GPR137C: variants seen among roughly 807,000 people sequenced by gnomAD.
GPR137C encodes G protein-coupled receptor 137C.
Under a neutral mutation model 43.4 loss-of-function variants are expected in GPR137C, and 27 were observed. That is an observed-to-expected ratio of 0.62 (90% CI 0.46 to 0.86). The LOEUF (loss-of-function observed/expected upper bound fraction) is 0.86. GPR137C is among the 40% of genes least tolerant of loss of function. The pLI is 0.00. For synonymous variants in GPR137C, 285 were observed against 226.9 expected (o/e 1.26, Z -2.30); for missense variants, 522 against 534.6 (o/e 0.98, Z 0.23).
chr14:52,566,651 C>T (rs1020304226), intron 1 of GPR137C, among the ~76,000 whole-genome samples: 2 of 152,144 alleles, frequency 1.3e-5, no homozygotes, highest in African/African-American at 2.4e-5. Context: ...AATCCTTTTG[C>T]CCAAAGTAGA....
intron 1 of GPR137C, among the ~76,000 whole-genome samples, chr14:52,563,338 T>C (rs574340278): frequency 6.6e-6 from 1 of 151,354 alleles, no homozygotes; most frequent in East Asian, 2.0e-4. Flanking sequence ...AACAGATGAC[T>C]CACACTTATC....
chr14:52,576,820 A>G (rs1286598933), intron 1 of GPR137C, among the ~76,000 whole-genome samples: 1 of 152,208 alleles, frequency 6.6e-6, no homozygotes, highest in Non-Finnish European at 1.5e-5. Flanking sequence ...GTTTTTAAAA[A>G]TGGAAATCAT....
intron 4 of GPR137C, among the ~76,000 whole-genome samples, chr14:52,632,898 C>CA (rs1388082331): frequency 6.6e-6 from 1 of 152,114 alleles, no homozygotes; most frequent in Non-Finnish European, 1.5e-5. Context: ...TACATTTTGA[C>CA]ATAGCTATAT....
At chr14:52,569,018 G>A (rs1156920092) in intron 1 of GPR137C, among the ~76,000 whole-genome samples, 1 of 152,184 alleles carries the variant, frequency 6.6e-6, no homozygotes, top group Non-Finnish European at 1.5e-5. Flanking sequence ...TCCCAGCAAG[G>A]GGCGACAGAC....
At chr14:52,556,897 T>A (rs2038203624) in intron 1 of GPR137C, among the ~76,000 whole-genome samples, 1 of 152,136 alleles carries the variant, frequency 6.6e-6, no homozygotes, top group Admixed American at 6.5e-5. Context: ...CAGTTTGGTC[T>A]TAGGAGTGCC....
chr14:52,569,494 C>G (rs1594783114), intron 1 of GPR137C, among the ~76,000 whole-genome samples: 1 of 151,994 alleles, frequency 6.6e-6, no homozygotes, highest in Non-Finnish European at 1.5e-5. Context: ...ACGAACTCCT[C>G]CAAGCTAAAG....
At position 52,553,567 on chromosome 14, in the gene GPR137C, T is replaced by C. The variant is rs753358489; in HGVS notation, c.420T>C (p.Cys140=). ...CCTGTCTCCAGTTCTCCACGCTCTG[T>C]CTCCTCAACCTCTACCTGGCGGAGG... ...FPSCLQFSTL[C]LLNLYLAEVI... Residue 140 remains cysteine, a synonymous_variant, in exon 1 of 7, where the codon TGT becomes TGC. Transcript: ENST00000321662. 1.2e-5 allele frequency: 19 copies of C among 1,602,178 alleles called. No homozygotes were observed. Among genetic ancestry groups the C allele is most frequent in the Non-Finnish European group, 1.6e-5 (19 of 1,176,162 alleles).
In GPR137C at chr14:52,633,517, GCT is replaced by G. The variant is rs1413392277; in HGVS notation, c.868-10_868-9del. 6.2e-7 allele frequency: 1 copy of G among 1,608,856 alleles called. No homozygotes were observed. The highest frequency in any genetic ancestry group is 1.1e-5 in the South Asian group (1 of 90,350). The stretch of plus-strand genomic sequence containing the variant: ...AACAGATGTAAAAATTCTCTGCCAT[GCT>G]CTATTTACAGGCTCATGTAGAAGAC... On this transcript the variant is annotated splice_polypyrimidine_tract_variant and intron_variant, in intron 4 of 6. Transcript: ENST00000321662.
intron 1 of GPR137C, among the ~76,000 whole-genome samples, chr14:52,559,379 TCAAAAA>T (rs1197190300): frequency 1.3e-5 from 2 of 151,088 alleles, no homozygotes; most frequent in African/African-American, 2.5e-5. Flanking sequence ...AGACTCCATC[TCAAAAA>T]CAAAAACAAA....
intron 1 of GPR137C, among the ~76,000 whole-genome samples, chr14:52,593,202 G>A (rs2038806284): frequency 6.6e-6 from 1 of 152,178 alleles, no homozygotes; most frequent in Admixed American, 6.5e-5. Flanking sequence ...TGGTGGATAA[G>A]CTTTTTGATG....
At chr14:52,599,889 G>C (rs1291491984) in intron 2 of GPR137C, among the ~76,000 whole-genome samples, 1 of 152,126 alleles carries the variant, frequency 6.6e-6, no homozygotes, top group African/African-American at 2.4e-5. Flanking sequence ...TGAAAAATTT[G>C]GGATTACTTG....
chr14:52,592,708 T>C (rs1459418845), intron 1 of GPR137C, among the ~76,000 whole-genome samples: 1 of 152,244 alleles, frequency 6.6e-6, no homozygotes, highest in African/African-American at 2.4e-5. Context: ...CTGAAGTTGC[T>C]TGTCAGCTTA....
chr14:52,614,550 C>T (rs930088121), intron 3 of GPR137C, among the ~76,000 whole-genome samples: 1 of 151,778 alleles, frequency 6.6e-6, no homozygotes, highest in Non-Finnish European at 1.5e-5. Flanking sequence ...TGCAGTGGTG[C>T]AATCACAGCT....
At chr14:52,579,886 A>C (rs1276529286) in intron 1 of GPR137C, among the ~76,000 whole-genome samples, 1 of 152,224 alleles carries the variant, frequency 6.6e-6, no homozygotes, top group Non-Finnish European at 1.5e-5. Context: ...ACCAAATGTC[A>C]AGATTCCAAG....
intron 3 of GPR137C, among the ~76,000 whole-genome samples, chr14:52,620,468 C>T (rs2039147410): frequency 6.6e-6 from 1 of 151,960 alleles, no homozygotes; most frequent in African/African-American, 2.4e-5. Flanking sequence ...AAATCAACAT[C>T]TTTCAGAACA....
intron 1 of GPR137C, among the ~76,000 whole-genome samples, chr14:52,558,622 A>G (rs1051657728): frequency 2.3e-4 from 35 of 152,356 alleles, no homozygotes; most frequent in African/African-American, 8.2e-4. Context: ...TAAAATTCCA[A>G]AAAACATGGG....
chr14:52,632,384 G>GT, intron 4 of GPR137C, 75 bp downstream of exon 4: 1 of 1,042,754 alleles, frequency 9.6e-7, no homozygotes, highest in Non-Finnish European at 1.4e-6. Flanking sequence ...ACACTGTAGT[G>GT]TTTGACTTAC....
Position 52,559,773 on chromosome 14 carries a change from C to T in GPR137C, c.444+6182C>T, listed in dbSNP as rs945261242. ...TGACACAATTTCTTAGGTCAAAAAT[C>T]CTAATCTACAGATAGCTACAGGAAG... On this transcript the variant is annotated intron_variant, in intron 1 of 6. Transcript: ENST00000321662. 7.2e-5 allele frequency among the ~76,000 whole-genome samples: 11 copies of T among 152,116 alleles called. No individual in the cohort carries two copies. The South Asian group carries it at 2.3e-3, about 32-fold the overall frequency.
In GPR137C at chr14:52,625,703, C is replaced by T. The variant is rs577032718; in HGVS notation, c.718-6457C>T. Among the ~76,000 whole-genome samples the T allele has an allele frequency of 4.8e-4, 72 of 151,326 alleles. No homozygotes were observed. The South Asian group carries it at 5.5e-3, about 12-fold the overall frequency. On this transcript the variant is annotated intron_variant, in intron 3 of 6. Coordinates refer to ENST00000321662, the MANE Select transcript of GPR137C (RefSeq NM_001099652.2). ...CCGAGCAGCTGGGACTACAGGCACC[C>T]GCCACCATGCCCGGCTAATTTTTTG...
Sources: gnomAD v4.1 joint callset for allele counts (sites outside exome capture counted in the v4.1 genomes callset) on GRCh38, gnomAD v4.1.1 for gene constraint, MANE v1.5 for transcripts, NCBI Gene and HGNC (gene_info 2026-07-23, HGNC 2026-07-21) for gene names.